GLIS3: variants seen among roughly 807,000 people sequenced by gnomAD.
GLIS3 encodes the protein GLIS family zinc finger 3, also known as zinc finger protein GLIS3.
In GLIS3, 53 loss-of-function variants were observed where a neutral mutation model predicts 78.6. The observed-to-expected ratio is 0.67, with a 90% confidence interval of 0.54 to 0.85. GLIS3 has a LOEUF of 0.85. GLIS3 is among the 40% of genes least tolerant of loss of function. The probability of loss-of-function intolerance (pLI) is 0.00; values close to 1 mark genes in which losing one functional copy is unlikely to be tolerated. For synonymous variants in GLIS3, 684 were observed against 509.9 expected (o/e 1.34, Z -4.60); for missense variants, 1,703 against 1,231.1 (o/e 1.38, Z -5.74).
chr9:4,137,180 G>C (rs533590262), intron 2 of GLIS3, among the ~76,000 whole-genome samples: 1 of 152,120 alleles, frequency 6.6e-6, no homozygotes, highest in African/African-American at 2.4e-5. Context: ...AGATTTAGGC[G>C]ATCACATTTA....
At chr9:4,217,245 G>C (rs999041629) in intron 2 of GLIS3, among the ~76,000 whole-genome samples, 2 of 152,156 alleles carry the variant, frequency 1.3e-5, no homozygotes, top group Admixed American at 1.3e-4. Flanking sequence ...GAAGAACATA[G>C]GGTATGCATG....
At chr9:4,039,895 T>C (rs993652038) in intron 4 of GLIS3, among the ~76,000 whole-genome samples, 5 of 152,166 alleles carry the variant, frequency 3.3e-5, no homozygotes, top group African/African-American at 9.7e-5. Flanking sequence ...ACAGTATAAA[T>C]TGGAGGATCG....
At chr9:4,065,023 A>T (rs968416758) in intron 4 of GLIS3, among the ~76,000 whole-genome samples, 4 of 152,168 alleles carry the variant, frequency 2.6e-5, no homozygotes, top group African/African-American at 7.2e-5. Flanking sequence ...AATTTTTTAG[A>T]AAAGGGAAAA....
rs376573116 is a variant in GLIS3, at chr9:4,100,796, A to T, written c.1710+16972T>A. 4.6e-5 allele frequency among the ~76,000 whole-genome samples: 7 copies of T among 152,314 alleles called. No homozygotes were observed. The East Asian group carries it at 7.7e-4, about 17-fold the overall frequency. On this transcript the variant is annotated intron_variant, in intron 4 of 10. Transcript: ENST00000381971. ...GCATAGAAAGCCATTTTACTCATCT[A>T]TGTTATCCCTCTACGGTTTTAACTA...
At chr9:4,331,026 T>C (rs1170683126) in intron 2 of GLIS3, among the ~76,000 whole-genome samples, 3 of 152,198 alleles carry the variant, frequency 2.0e-5, no homozygotes, top group African/African-American at 7.2e-5. Flanking sequence ...AACAGGCCCA[T>C]CTTGCCCTGA....
chr9:3,847,716 C>T (rs1249069620), intron 9 of GLIS3, among the ~76,000 whole-genome samples: 1 of 152,212 alleles, frequency 6.6e-6, no homozygotes, highest in Non-Finnish European at 1.5e-5. Context: ...ATGCTTACTG[C>T]ACTCTGCATA....
chr9:3,857,787 A>G (rs886582674), intron 8 of GLIS3, among the ~76,000 whole-genome samples: 8 of 152,236 alleles, frequency 5.3e-5, no homozygotes, highest in Admixed American at 3.3e-4. Context: ...GCTTGAGAGA[A>G]AACACAGCAA....
chr9:4,045,319 G>C (rs554149047), intron 4 of GLIS3, among the ~76,000 whole-genome samples: 2 of 151,918 alleles, frequency 1.3e-5, no homozygotes, highest in Non-Finnish European at 1.5e-5. Context: ...GAAGTGTTCT[G>C]AACTTTTTGC....
chr9:3,986,893 T>C (rs1819782495), intron 4 of GLIS3, among the ~76,000 whole-genome samples: 1 of 152,324 alleles, frequency 6.6e-6, no homozygotes, highest in South Asian at 2.1e-4. Context: ...TCCAAACATA[T>C]GAAATGTGCA....
the GLIS3 span, among the ~76,000 whole-genome samples, chr9:4,429,306 C>T: frequency 6.6e-6 from 1 of 152,118 alleles, no homozygotes; most frequent in Admixed American, 6.5e-5. Context: ...ACCTCCCTCT[C>T]TCCAGCCTCA....
At chr9:4,453,345 CAA>C in the GLIS3 span, among the ~76,000 whole-genome samples, 53 of 91,656 alleles carry the variant, frequency 5.8e-4, no homozygotes, top group African/African-American at 1.4e-3. Context: ...TTCTGCACAG[CAA>C]AAAAAAAAAA....
At chr9:4,257,159 C>T (rs1274681981) in intron 2 of GLIS3, among the ~76,000 whole-genome samples, 1 of 151,920 alleles carries the variant, frequency 6.6e-6, no homozygotes, top group East Asian at 1.9e-4. Flanking sequence ...TATTATTAAG[C>T]CTTTAAAAGA....
chr9:4,259,244 C>CTTTTATTT (rs751630404), intron 2 of GLIS3, among the ~76,000 whole-genome samples: 15,693 of 151,352 alleles, frequency 0.1, 1,171 homozygotes, highest in Non-Finnish European at 0.16. Flanking sequence ...TTGCTCATTT[C>CTTTTATTT]ATTTATTTAT....
intron 9 of GLIS3, among the ~76,000 whole-genome samples, chr9:3,839,288 G>T (rs534707724): frequency 6.6e-6 from 1 of 152,250 alleles, no homozygotes; most frequent in South Asian, 2.1e-4. Context: ...TAGATATTTG[G>T]AATTATTTGT....
chr9:4,073,820 A>C (rs905221905), intron 4 of GLIS3, among the ~76,000 whole-genome samples: 3 of 152,144 alleles, frequency 2.0e-5, no homozygotes, highest in African/African-American at 7.2e-5. Context: ...ATTTAAGTAA[A>C]ATTACGCATG....
intron 2 of GLIS3, among the ~76,000 whole-genome samples, chr9:4,220,934 A>T (rs1038865362): frequency 6.6e-6 from 1 of 152,136 alleles, no homozygotes; most frequent in Non-Finnish European, 1.5e-5. Flanking sequence ...GCAGTGAGCC[A>T]TGATCACAGC....
chr9:4,444,412 G>C, the GLIS3 span, among the ~76,000 whole-genome samples: 7,036 of 152,238 alleles, frequency 0.046, 248 homozygotes, highest in South Asian at 0.1. Flanking sequence ...AACATCATTA[G>C]CTCAACTATC....
chr9:4,345,854 G>T (rs1474110463), intron 2 of GLIS3, among the ~76,000 whole-genome samples: 1 of 152,184 alleles, frequency 6.6e-6, no homozygotes, highest in Non-Finnish European at 1.5e-5. Flanking sequence ...GGAATGACAC[G>T]TCTTTTTTTC....
the GLIS3 span, among the ~76,000 whole-genome samples, chr9:4,446,395 C>A: frequency 3.0e-4 from 45 of 152,214 alleles, no homozygotes; most frequent in African/African-American, 1.1e-3. Context: ...CTTGGACTTC[C>A]CAGTCTCCAG....
Sources: allele counts gnomAD v4.1 joint callset (sites outside exome capture counted in the v4.1 genomes callset), GRCh38; gene constraint gnomAD v4.1.1; transcripts MANE v1.5; gene names NCBI Gene and HGNC (gene_info 2026-07-23, HGNC 2026-07-21).